TAFA1: variants seen among roughly 807,000 people sequenced by gnomAD.
TAFA1 encodes chemokine-like protein TAFA-1.
Under a neutral mutation model 18.5 loss-of-function variants are expected in TAFA1, and 4 were observed. The observed-to-expected ratio is 0.22, with a 90% CI of 0.11 to 0.49. The LOEUF (loss-of-function observed/expected upper bound fraction) is 0.49, where lower values mean the gene tolerates loss of function less well. TAFA1 is among the 20% of genes least tolerant of loss of function. The probability of loss-of-function intolerance (pLI) is 0.98; values close to 1 mark genes in which losing one functional copy is unlikely to be tolerated. For missense variants in TAFA1, 147 were observed against 169.0 expected, an observed-to-expected ratio of 0.87 and a Z score of 0.72; for synonymous variants, 56 against 55.2, an observed-to-expected ratio of 1.01 and a Z score of -0.06.
chr3:68,027,874 T>C (rs1029345181), intron 2 of TAFA1, among the ~76,000 whole-genome samples: 4 of 152,230 alleles, frequency 2.6e-5, no homozygotes, highest in African/African-American at 9.6e-5. Context: ...AATTGAGGAT[T>C]CCATGTTCCA....
intron 2 of TAFA1, among the ~76,000 whole-genome samples, chr3:68,329,264 C>T (rs1305167639): frequency 1.8e-5 from 2 of 109,922 alleles, no homozygotes; most frequent in Admixed American, 1.3e-4. Context: ...GACGGGGTTT[C>T]ACCACGTTAG....
intron 2 of TAFA1, among the ~76,000 whole-genome samples, chr3:68,177,118 A>C (rs78389943): frequency 1.3e-5 from 2 of 152,310 alleles, no homozygotes; most frequent in African/African-American, 2.4e-5. Flanking sequence ...AAATATGCAT[A>C]GGGATGCAAT....
At chr3:68,074,946 A>G (rs1559727203) in intron 2 of TAFA1, among the ~76,000 whole-genome samples, 1 of 152,218 alleles carries the variant, frequency 6.6e-6, no homozygotes, top group Non-Finnish European at 1.5e-5. Context: ...TGTTGTAAAG[A>G]GTAGTCCTTT....
intron 3 of TAFA1, among the ~76,000 whole-genome samples, chr3:68,447,572 G>T (rs1462944847): frequency 6.6e-6 from 1 of 152,146 alleles, no homozygotes. Context: ...ACAAGCCAAA[G>T]GTTTATTCCA....
chr3:68,201,836 G>C (rs2066472914), intron 2 of TAFA1, among the ~76,000 whole-genome samples: 1 of 151,834 alleles, frequency 6.6e-6, no homozygotes, highest in Middle Eastern at 3.4e-3. Context: ...TTGGGTGAGG[G>C]CTTTCTGTGT....
At chr3:68,529,630 A>T (rs1419439669) in intron 3 of TAFA1, among the ~76,000 whole-genome samples, 1 of 152,086 alleles carries the variant, frequency 6.6e-6, no homozygotes, top group Non-Finnish European at 1.5e-5. Flanking sequence ...CATCTGGTGA[A>T]AGCTTCAGGC....
At chr3:68,309,346 G>T (rs934321221) in intron 2 of TAFA1, among the ~76,000 whole-genome samples, 2 of 152,150 alleles carry the variant, frequency 1.3e-5, no homozygotes, top group African/African-American at 4.8e-5. Context: ...GGATAAGGAA[G>T]AAATAAGCTA....
intron 2 of TAFA1, among the ~76,000 whole-genome samples, chr3:68,359,967 A>G (rs1437423217): frequency 6.6e-6 from 1 of 152,024 alleles, no homozygotes; most frequent in Non-Finnish European, 1.5e-5. Context: ...CTTATAAGAT[A>G]TTATATGAAG....
intron 3 of TAFA1, among the ~76,000 whole-genome samples, chr3:68,441,734 G>A (rs983756094): frequency 3.9e-5 from 6 of 152,118 alleles, no homozygotes; most frequent in African/African-American, 1.4e-4. Flanking sequence ...CCTGAACTGA[G>A]GGCTTCATGA....
At chr3:67,999,027 G>T in the TAFA1 span, among the ~76,000 whole-genome samples, 1 of 152,078 alleles carries the variant, frequency 6.6e-6, no homozygotes, top group Non-Finnish European at 1.5e-5. Flanking sequence ...AAAATCACAG[G>T]TTTTATTTTC....
At chr3:68,410,876 G>A (rs1021934588) in intron 2 of TAFA1, among the ~76,000 whole-genome samples, 2 of 152,150 alleles carry the variant, frequency 1.3e-5, no homozygotes, top group Non-Finnish European at 2.9e-5. Context: ...AAAGATATTT[G>A]CATGACAAAT....
intron 2 of TAFA1, among the ~76,000 whole-genome samples, chr3:68,248,220 AC>A (rs2067121155): frequency 6.6e-6 from 1 of 152,218 alleles, no homozygotes; most frequent in Non-Finnish European, 1.5e-5. Context: ...ATTTCTCATA[AC>A]CTTTATGCAG....
At chr3:68,173,654 G>T (rs1178177691) in intron 2 of TAFA1, among the ~76,000 whole-genome samples, 1 of 152,120 alleles carries the variant, frequency 6.6e-6, no homozygotes, top group Admixed American at 6.5e-5. Flanking sequence ...CATGGAGACC[G>T]ACAAGTCTTC....
intron 2 of TAFA1, among the ~76,000 whole-genome samples, chr3:68,237,381 T>C (rs1200764513): frequency 1.5e-4 from 23 of 152,180 alleles, no homozygotes; most frequent in Admixed American, 1.5e-3. Flanking sequence ...AGTTAGGATT[T>C]CAACATATGA....
the TAFA1 span, among the ~76,000 whole-genome samples, chr3:67,995,474 G>A: frequency 6.6e-6 from 1 of 152,084 alleles, no homozygotes; most frequent in Non-Finnish European, 1.5e-5. Context: ...ATGAGCATGC[G>A]AGGCGTGTTC....
At chr3:68,080,824 G>A (rs921901864) in intron 2 of TAFA1, among the ~76,000 whole-genome samples, 1 of 152,056 alleles carries the variant, frequency 6.6e-6, no homozygotes. Flanking sequence ...TACCTTTGTG[G>A]TGTTCTCTAT....
At chr3:68,184,455 G>T (rs979387267) in intron 2 of TAFA1, among the ~76,000 whole-genome samples, 2 of 152,128 alleles carry the variant, frequency 1.3e-5, no homozygotes, top group African/African-American at 4.8e-5. Flanking sequence ...GATAAGCACT[G>T]TGTGCATGTG....
At chr3:68,509,412 G>A (rs2072813206) in intron 3 of TAFA1, among the ~76,000 whole-genome samples, 1 of 152,044 alleles carries the variant, frequency 6.6e-6, no homozygotes, top group Admixed American at 6.6e-5. Context: ...CTCCTTTGCA[G>A]GCCTGTCTCC....
At chr3:68,221,586 C>T (rs2066731420) in intron 2 of TAFA1, among the ~76,000 whole-genome samples, 1 of 152,056 alleles carries the variant, frequency 6.6e-6, no homozygotes, top group African/African-American at 2.4e-5. Context: ...CCTCTTTCAC[C>T]CTCAAACAGA....
Sources: gnomAD v4.1 joint callset for allele counts (sites outside exome capture counted in the v4.1 genomes callset) on GRCh38, gnomAD v4.1.1 for gene constraint, MANE v1.5 for transcripts, NCBI Gene and HGNC (gene_info 2026-07-23, HGNC 2026-07-21) for gene names.